The following BAZ2A variants were observed in gnomAD, a reference collection of about 807,000 sequenced individuals.
The protein encoded by BAZ2A is bromodomain adjacent to zinc finger domain 2A.
Under a neutral mutation model 199.9 loss-of-function variants are expected in BAZ2A, and 34 were observed. That is an observed-to-expected ratio of 0.17 (90% CI 0.13 to 0.23). The LOEUF is 0.23. Ranked by LOEUF, BAZ2A falls within the 10% of genes least tolerant of loss-of-function variation. The pLI, the probability that BAZ2A is intolerant of heterozygous loss-of-function variation, is 1.00. For synonymous variants in BAZ2A, 857 were observed against 883.9 expected, an observed-to-expected ratio of 0.97 and a Z score of 0.54; for missense variants, 2,002 against 2,391.1, an observed-to-expected ratio of 0.84 and a Z score of 3.39.
chr12:56,635,709 A>G lies in BAZ2A; in HGVS notation c.4+473T>C, dbSNP rs2137521962. Among the ~76,000 whole-genome samples, 1 of 152,252 alleles carries G rather than the reference A, an allele frequency of 6.6e-6. No homozygotes were observed. Among genetic ancestry groups the G allele is most frequent in the Non-Finnish European group, 1.5e-5 (1 of 68,016 alleles). Reference sequence around the variant, plus strand: ...CTGGGGCAACAGGAAGCAGCTGCTCAGTGCAGCCCCCACCTGAAGGTGGGT... The same window carrying G: ...CTGGGGCAACAGGAAGCAGCTGCTCGGTGCAGCCCCCACCTGAAGGTGGGT... On this transcript the variant is annotated intron_variant, in intron 1 of 29. Coordinates refer to the BAZ2A transcript ENST00000379441. The surrounding 1 kb of genome is among the most constrained non-coding windows in gnomAD (Gnocchi z 4.1).
rs761207885 is a variant in BAZ2A, at chr12:56,611,967, G to A, written c.1415C>T (p.Ser472Leu). 1.2e-6 allele frequency: 2 copies of A among 1,613,246 alleles called. No individual in the cohort carries two copies. Among genetic ancestry groups the A allele is most frequent in the Non-Finnish European group, 1.7e-6 (2 of 1,179,666 alleles). Residue 472 changes from serine to leucine, a missense_variant, in exon 6 of 29, where the codon TCA (serine) becomes TTA (leucine). Around this residue, in one of 6 missense-constraint regions of BAZ2A, gnomAD observed 641 missense variants for 694.5 expected, o/e 0.92. Coordinates refer to ENST00000549884, the MANE Select transcript of BAZ2A (RefSeq NM_001300905.2). ...TAAGGAGACTGCTGGGAGGACTGCT[G>A]AGGAAGCTGGAGAGACCACTGAGAA... is the stretch of plus-strand genomic sequence containing the variant. The part of the protein sequence containing the change: ...AVFSVVSPAS[S>L]AVLPAVSLEV...
In BAZ2A at chr12:56,603,577, C is replaced by T. The variant is rs1384011047; in HGVS notation, c.3162G>A (p.Glu1054=). 3 of 1,613,954 alleles carry T rather than the reference C, an allele frequency of 1.9e-6. No individual in the cohort carries two copies. The highest frequency in any genetic ancestry group is 2.2e-5 in the East Asian group (1 of 44,902). Residue 1054 remains glutamate (E), a synonymous_variant, in exon 17 of 29, where the codon GAG becomes GAA. Coordinates refer to ENST00000549884, the MANE Select transcript of BAZ2A (RefSeq NM_001300905.2). ...CAGCTGCTATAGACTCCTCTTCTTC[C>T]TCTTCTTCCATGCCACTGGTCTCCT... ...IMEETSGMEE[E]EEEESIAAVP...
In BAZ2A at chr12:56,596,014, CAGG is replaced by C. The variant is rs1885773415; in HGVS notation, c.*2601_*2603del. The C allele has an allele frequency of 1.3e-5, 2 of 152,618 alleles. No homozygotes were observed. The highest frequency in any genetic ancestry group is 1.5e-5 in the Non-Finnish European group (1 of 68,040). 9.5% of individuals were successfully genotyped at this position (152,618 alleles called of 1,614,324 possible). ...CTTGTGGAACATCACATGGCAAAAA[CAGG>C]AGTTTTTTCGCTAGACTTTTTTTTT... On this transcript the variant is annotated 3_prime_UTR_variant, in exon 29 of 29. Coordinates refer to ENST00000549884, the MANE Select transcript of BAZ2A (RefSeq NM_001300905.2).
At chr12:56,632,754 CCTCAT>C (rs1347384743), upstream of BAZ2A, among the ~76,000 whole-genome samples, 1 of 152,186 alleles carries the variant, frequency 6.6e-6, no homozygotes, top group Non-Finnish European at 1.5e-5. Flanking sequence ...TGAGACCCCA[CCTCAT>C]CTCATCTAAT....
chr12:56,604,719 A>G lies in BAZ2A; in HGVS notation c.2829T>C (p.Leu943=). 1 of 1,613,846 alleles carries G rather than the reference A, an allele frequency of 6.2e-7. No homozygotes were observed. The highest frequency in any genetic ancestry group is 8.5e-7 in the Non-Finnish European group (1 of 1,179,848). Residue 943 remains leucine, a synonymous_variant, in exon 15 of 29, where the codon CTT becomes CTC. Transcript: ENST00000549884. The part of the protein sequence containing the change: ...DNVSEILRCF[L]MAYGVEPALC... ...GGGCTGGCTCTACTCCATATGCCAT[A>G]AGGAAGCAGCGCAGGATCTCTGACA...
rs182058258 is a variant in BAZ2A at position 56,612,663 on chromosome 12, C to T, written c.1135+352G>A. 4.2e-4 allele frequency among the ~76,000 whole-genome samples: 64 copies of T among 152,292 alleles called. 1 individual carries two copies. The East Asian group carries it at 0.01, about 24-fold the overall frequency. ...TTTGAGATGGAGTCTTGCTCTGTTGCCCAGGTTGGAGTGCAACGACACAAT... is the reference window on the plus strand; with the variant it reads ...TTTGAGATGGAGTCTTGCTCTGTTGTCCAGGTTGGAGTGCAACGACACAAT... On this transcript the variant is annotated intron_variant, in intron 5 of 28. Coordinates refer to ENST00000549884, the MANE Select transcript of BAZ2A (RefSeq NM_001300905.2).
At chr12:56,636,454 C>G, upstream of BAZ2A, 1 of 1,151,942 alleles carries the variant, frequency 8.7e-7, no homozygotes, top group Non-Finnish European at 1.1e-6. Flanking sequence ...CAGGGCAGAC[C>G]AGGAGAAATA....
At chr12:56,638,041 G>A, upstream of BAZ2A, 1 of 350,114 alleles carries the variant, frequency 2.9e-6, no homozygotes, top group Non-Finnish European at 5.3e-6. Flanking sequence ...AGGAGACTGA[G>A]GTGGGAGATC....
intron 11 of BAZ2A, 127 bp downstream of exon 11, chr12:56,606,506 A>G: frequency 7.4e-6 from 9 of 1,217,480 alleles, no homozygotes; most frequent in Non-Finnish European, 9.6e-6. Flanking sequence ...AATCAAGTGC[A>G]AGAAATTTCA....
intron 5 of BAZ2A, 67 bp from the exon 6 acceptor site, chr12:56,612,313 A>G: frequency 7.2e-7 from 1 of 1,384,270 alleles, no homozygotes; most frequent in Non-Finnish European, 9.8e-7. Flanking sequence ...AAGAGAATCT[A>G]CTCAGTCAAC....
At chr12:56,637,872 G>A (rs564171161), upstream of BAZ2A, among the ~76,000 whole-genome samples, 217 of 152,190 alleles carry the variant, frequency 1.4e-3, 1 homozygote, top group Non-Finnish European at 2.5e-3. Context: ...AGGTACGGTT[G>A]TCCATCAACA....
At position 56,604,646 on chromosome 12, in the gene BAZ2A, G is replaced by T. The variant is rs202247009; in HGVS notation, c.2902C>A (p.Gln968Lys). ...TQPFQAQPPQ[Q>K]KAAVLAFLVH... ...AGGAAGGCCAGGACAGCAGCCTTCT[G>T]CTGGGGTGGCTGGGCCTGAAAAGGC... Residue 968 changes from glutamine (Q) to lysine (K), a missense_variant, in exon 15 of 29, where the codon CAG becomes AAG. Around this residue, in one of 6 missense-constraint regions of BAZ2A, gnomAD observed 1,081 missense variants for 1,274.7 expected, o/e 0.85. Coordinates refer to ENST00000549884, the MANE Select transcript of BAZ2A (RefSeq NM_001300905.2). The T allele has an allele frequency of 3.7e-4, 595 of 1,608,994 alleles. No individual in the cohort carries two copies. The highest frequency in any genetic ancestry group is 4.7e-4 in the Non-Finnish European group (549 of 1,177,706).
At chr12:56,604,503 G>A in intron 15 of BAZ2A, 82 bp downstream of exon 15, 4 of 1,439,892 alleles carry the variant, frequency 2.8e-6, no homozygotes, top group African/African-American at 1.4e-5. Flanking sequence ...ACACATTTCT[G>A]AGGACTTCTG....
chr12:56,609,635 T>C (rs1160829815), intron 10 of BAZ2A, 101 bp downstream of exon 10: 2 of 1,232,402 alleles, frequency 1.6e-6, no homozygotes, highest in African/African-American at 1.5e-5. Flanking sequence ...TCCCAGATAA[T>C]GTTAGTTACA....
At chr12:56,605,020 T>C in intron 14 of BAZ2A, 53 bp downstream of exon 14, 1 of 1,521,080 alleles carries the variant, frequency 6.6e-7, no homozygotes, top group Non-Finnish European at 8.8e-7. Context: ...AAACACTAAG[T>C]AGTTACATCT....
At chr12:56,603,300 G>T in intron 18 of BAZ2A, 59 bp downstream of exon 18, 1 of 1,529,120 alleles carries the variant, frequency 6.5e-7, no homozygotes, top group Non-Finnish European at 8.9e-7. Flanking sequence ...TAAAAAAGAA[G>T]CTGATCAATT....
upstream of BAZ2A, among the ~76,000 whole-genome samples, chr12:56,632,131 C>T (rs1047105242): frequency 1.3e-5 from 2 of 152,162 alleles, no homozygotes; most frequent in African/African-American, 4.8e-5. Flanking sequence ...AAAAATACTC[C>T]TCCAACAGCC....
At position 56,605,916 on chromosome 12, in the gene BAZ2A, T is replaced by A; in HGVS notation, c.2407A>T (p.Arg803Trp). 2 of 1,578,964 alleles carry A rather than the reference T, an allele frequency of 1.3e-6. No individual in the cohort carries two copies. Among genetic ancestry groups the A allele is most frequent in the Non-Finnish European group, 1.7e-6 (2 of 1,161,706 alleles). The change falls in exon 13 of 29, where the codon AGG (arginine) becomes TGG (tryptophan). Residue 803 changes from arginine (R) to tryptophan (W), a missense_variant. By Grantham distance (101) the Arg-to-Trp change is moderately radical. Transcript: ENST00000549884. ...CKADKTLATQ[R>W]RLEERQRQQM... Reference sequence around the variant, plus strand: ...TGCCTCTGCCGTTCCTCCAAGCGCCTCTGTGTGGCCAGGGTCTTATCTGCT... The same window carrying A: ...TGCCTCTGCCGTTCCTCCAAGCGCCACTGTGTGGCCAGGGTCTTATCTGCT...
chr12:56,606,123 G>A (rs776334147), intron 12 of BAZ2A, 60 bp from the exon 13 acceptor site: 77 of 1,553,626 alleles, frequency 5.0e-5, no homozygotes, highest in Non-Finnish European at 6.5e-5. Context: ...ATCCTTCCCT[G>A]GTCCCAGTCC....
Sources: allele counts gnomAD v4.1 joint callset (sites outside exome capture counted in the v4.1 genomes callset), GRCh38; gene constraint gnomAD v4.1.1; regional missense constraint gnomAD v4.1.1; non-coding constraint Gnocchi (gnomAD v3.1); transcripts MANE v1.5; gene names NCBI Gene and HGNC (gene_info 2026-07-23, HGNC 2026-07-21).